Variants in GHRHR observed in about 807,000 individuals in gnomAD.
GHRHR encodes growth hormone releasing hormone receptor.
A neutral mutation model predicts 58.3 loss-of-function variants in GHRHR; 40 were observed. That is an observed-to-expected ratio of 0.69 (90% confidence interval 0.53 to 0.89). The LOEUF is 0.89. Ranked by LOEUF, GHRHR falls within the 40% of genes least tolerant of loss-of-function variation. GHRHR has a pLI of 0.00. For missense variants in GHRHR, 551 were observed against 541.3 expected (o/e 1.02, Z -0.18); for synonymous variants, 249 against 216.6 (o/e 1.15, Z -1.31).
At chr7:30,968,568 C>T (rs1792402356) in intron 1 of GHRHR, among the ~76,000 whole-genome samples, 2 of 151,206 alleles carry the variant, frequency 1.3e-5, no homozygotes, top group South Asian at 4.2e-4. Flanking sequence ...AGAGCATTAA[C>T]TGCACAAGAG....
intron 4 of GHRHR, chr7:30,970,911 C>A (rs1792467530): frequency 1.6e-6 from 1 of 636,414 alleles, no homozygotes; most frequent in Non-Finnish European, 2.8e-6. Flanking sequence ...CACTACCCCT[C>A]CCTCACCCGC....
intron 3 of GHRHR, 187 bp from the exon 4 acceptor site, chr7:30,969,680 A>T: frequency 1.5e-6 from 1 of 663,908 alleles, no homozygotes; most frequent in South Asian, 1.7e-5. Context: ...CCAGAGAAGG[A>T]AGGCCCCATA....
intron 4 of GHRHR, 57 bp downstream of exon 4, chr7:30,970,021 G>C (rs151285240): frequency 1.6e-5 from 13 of 807,186 alleles, no homozygotes; most frequent in Middle Eastern, 4.5e-4. Context: ...GTATGGGTGG[G>C]TGCACAACTG....
intron 5 of GHRHR, 148 bp downstream of exon 5, chr7:30,971,364 A>T (rs1014729472): frequency 7.2e-6 from 5 of 692,768 alleles, no homozygotes; most frequent in Non-Finnish European, 1.3e-5. Context: ...TTTCCCCACC[A>T]TGTAGACCCA....
At chr7:30,975,728 G>A (rs1792562542) in intron 9 of GHRHR, 49 bp from the exon 10 acceptor site, 1 of 1,116,226 alleles carries the variant, frequency 9.0e-7, no homozygotes, top group Non-Finnish European at 1.4e-6. Context: ...AGCCACCCAA[G>A]GCTACCCCCT....
intron 12 of GHRHR, 44 bp from the exon 13 acceptor site, chr7:30,979,075 G>A (rs1250574000): frequency 6.2e-7 from 1 of 1,604,362 alleles, no homozygotes; most frequent in Admixed American, 1.7e-5. Flanking sequence ...GAGTAGCAAA[G>A]CCACAGGGGG....
intron 4 of GHRHR, 78 bp downstream of exon 4, chr7:30,970,042 C>A: frequency 1.3e-6 from 1 of 784,822 alleles, no homozygotes; most frequent in Non-Finnish European, 2.4e-6. Flanking sequence ...TAGGGGCCGC[C>A]ATTCTCTAGC....
Position 30,964,080 on chromosome 7 carries a change from G to A in GHRHR, c.12G>A (p.Arg4=). ...CTGCTGGGCTCACCATGGACCGCCG[G>A]ATGTGGGGGGCCCACGTCTTCTGCG... MDR[R]MWGAHVFCVL... The change falls in exon 1 of 13, where the codon CGG becomes CGA. Residue 4 remains arginine (R), a synonymous_variant. Transcript: ENST00000326139. 1.3e-6 allele frequency: 2 copies of A among 1,550,576 alleles called. No individual in the cohort carries two copies. The highest frequency in any genetic ancestry group is 2.4e-5 in the South Asian group (2 of 84,060).
intron 10 of GHRHR, 138 bp from the exon 11 acceptor site, chr7:30,976,291 T>C (rs1277296307): frequency 6.5e-6 from 5 of 771,110 alleles, no homozygotes; most frequent in Admixed American, 1.8e-5. Flanking sequence ...CCCAGAGTGA[T>C]TGTGGGGAGG....
Position 30,976,432 on chromosome 7 carries a change from T to A in GHRHR, c.978T>A (p.Arg326=), listed in dbSNP as rs1371142241. The A allele has an allele frequency of 6.2e-7, 1 of 1,613,398 alleles. No homozygotes were observed. Among genetic ancestry groups the A allele is most frequent in the South Asian group, 1.1e-5 (1 of 91,052 alleles). Residue 326 remains arginine (R), a synonymous_variant, in exon 11 of 13, where the codon CGT becomes CGA. Transcript: ENST00000326139. ...CTAGGATTTGTCTTTCCTGCAGGCG[T>A]CTCTCCAAGTCGACACTTTTCCTGA... ...GSLHTQSQYW[R]LSKSTLFLIP...
chr7:30,977,715 G>A (rs115479969), intron 12 of GHRHR, among the ~76,000 whole-genome samples: 68 of 152,232 alleles, frequency 4.5e-4, no homozygotes, highest in African/African-American at 1.6e-3. Context: ...ACAGATAGAG[G>A]AGCCAAGAAA....
Position 30,979,231 on chromosome 7 carries a change from C to T in GHRHR, c.1259C>T (p.Thr420Ile). The T allele has an allele frequency of 6.2e-7, 1 of 1,613,998 alleles. No homozygotes were observed. Among genetic ancestry groups the T allele is most frequent in the Non-Finnish European group, 8.5e-7 (1 of 1,179,916 alleles). ...TPSRSAAKVL[T>I]SMC ...TCCCGCTCGGCGGCAAAGGTGCTGA[C>T]ATCTATGTGCTAGGCTGCCTCATCA... The change falls in exon 13 of 13, where the codon ACA becomes ATA. Residue 420 changes from threonine (T) to isoleucine (I), a missense_variant. Physicochemically the swap from Thr to Ile is moderately conservative, Grantham distance 89. Transcript: ENST00000326139.
chr7:30,969,115 C>T lies in GHRHR; in HGVS notation c.213C>T (p.Gly71=), dbSNP rs768112214. The part of the protein sequence containing the change: ...GLLCWPTAGS[G]EWVTLPCPDF... ...TGTGCTGGCCAACGGCAGGCTCTGG[C>T]GAGTGGGTCACCCTCCCCTGCCCGG... The change falls in exon 3 of 13, where the codon GGC becomes GGT. Residue 71 remains glycine, a synonymous_variant. Transcript: ENST00000326139. 28 of 1,579,274 alleles carry T rather than the reference C, an allele frequency of 1.8e-5. No homozygotes were observed. Among genetic ancestry groups the T allele is most frequent in the East Asian group, 4.6e-5 (2 of 43,696 alleles).
chr7:30,979,153 A>G lies in GHRHR; in HGVS notation c.1181A>G (p.His394Arg). The change falls in exon 13 of 13, where the codon CAT (histidine) becomes CGT (arginine). Residue 394 changes from histidine (H) to arginine (R), a missense_variant. By Grantham distance (29) the His-to-Arg change is conservative (BLOSUM62 0). Coordinates refer to ENST00000326139, the MANE Select transcript of GHRHR (RefSeq NM_000823.4). ...RTEISRKWHG[H>R]DPELLPAWRT... ...GAGATCTCACGGAAGTGGCATGGCC[A>G]TGACCCTGAGCTTCTGCCAGCCTGG... is the stretch of plus-strand genomic sequence containing the variant. The G allele has an allele frequency of 6.2e-7, 1 of 1,613,816 alleles. No homozygotes were observed. The highest frequency in any genetic ancestry group is 8.5e-7 in the Non-Finnish European group (1 of 1,179,702).
chr7:30,971,244 A>G (rs1443302604), intron 5 of GHRHR, 28 bp downstream of exon 5: 2 of 985,686 alleles, frequency 2.0e-6, no homozygotes, highest in African/African-American at 1.6e-5. Context: ...CCAGCTCAAG[A>G]ACCTTCCTTG....
intron 1 of GHRHR, among the ~76,000 whole-genome samples, chr7:30,968,348 T>TG (rs1460233061): frequency 6.6e-6 from 1 of 152,030 alleles, no homozygotes; most frequent in East Asian, 1.9e-4. Context: ...AAGGCCCTGA[T>TG]GAGAATGGAG....
rs1792649927 is a variant in GHRHR, at chr7:30,979,372, C to T, written c.*128C>T. On this transcript the variant is annotated 3_prime_UTR_variant, in exon 13 of 13. Transcript: ENST00000326139. The stretch of plus-strand genomic sequence containing the variant: ...TTACCCAGCCCGGGGCAGGTGCAGC[C>T]CTTCCTCCCTGTCTCTGCATCTGAC... 2.3e-6 allele frequency: 2 copies of T among 854,936 alleles called. No individual in the cohort carries two copies. Among genetic ancestry groups the T allele is most frequent in the Non-Finnish European group, 1.9e-6 (1 of 529,142 alleles). The allele number at this position is 854,936 out of a possible 1,614,324, so 53.0% of individuals were successfully genotyped here.
At position 30,968,837 on chromosome 7, in the gene GHRHR, T is replaced by C. The variant is rs1323386432; in HGVS notation, c.61T>C (p.Leu21=). 6.2e-7 allele frequency: 1 copy of C among 1,610,944 alleles called. No individual in the cohort carries two copies. Among genetic ancestry groups the C allele is most frequent in the Non-Finnish European group, 8.5e-7 (1 of 1,177,278 alleles). The change falls in exon 2 of 13, where the codon TTG becomes CTG. Residue 21 remains leucine, a synonymous_variant. Coordinates refer to ENST00000326139, the MANE Select transcript of GHRHR (RefSeq NM_000823.4). ...TCCTGTTCACTGTTTCCAGCAGGTA[T>C]TGGGCCACATGCACCCAGAATGTGA... The part of the protein sequence containing the change: ...FCVLSPLPTV[L]GHMHPECDFI...
At chr7:30,978,100 A>G (rs775393622) in intron 12 of GHRHR, among the ~76,000 whole-genome samples, 1 of 152,190 alleles carries the variant, frequency 6.6e-6, no homozygotes, top group Non-Finnish European at 1.5e-5. Flanking sequence ...TGGGCTCTGC[A>G]TTCTGTGAGA....
Sources: gnomAD v4.1 joint callset for allele counts (sites outside exome capture counted in the v4.1 genomes callset) on GRCh38, gnomAD v4.1.1 for gene constraint, MANE v1.5 for transcripts, NCBI Gene and HGNC (gene_info 2026-07-23, HGNC 2026-07-21) for gene names.